The following JAK1 variants were observed in gnomAD, a reference collection of about 807,000 sequenced individuals.
JAK1 encodes the protein Janus kinase 1.
JAK1 carries 16 observed loss-of-function variants against 136.6 expected under a neutral mutation model. The ratio of observed to expected loss-of-function variants is 0.12; its 90% confidence interval spans 0.08 to 0.18. The LOEUF (loss-of-function observed/expected upper bound fraction) is 0.18, where lower values mean the gene tolerates loss of function less well. Among genes scored for constraint, JAK1 ranks in the 10% least tolerant of loss-of-function variants. The pLI is 1.00. For synonymous variants in JAK1, 492 were observed against 519.5 expected (o/e 0.95, Z 0.72); for missense variants, 859 against 1,450.1 (o/e 0.59, Z 6.62).
chr1:65,016,950 A>G (rs1439461230), intron 2 of JAK1, among the ~76,000 whole-genome samples: 3 of 152,186 alleles, frequency 2.0e-5, no homozygotes, highest in Non-Finnish European at 4.4e-5. Flanking sequence ...TACTGTATAC[A>G]TTTTATCAGA....
intron 2 of JAK1, among the ~76,000 whole-genome samples, chr1:65,001,648 T>C (rs2100749766): frequency 7.2e-6 from 1 of 138,680 alleles, no homozygotes; most frequent in Middle Eastern, 3.8e-3. Flanking sequence ...GTGTGTTGTA[T>C]GTGTGTTTGA....
intron 6 of JAK1, 92 bp from the exon 7 acceptor site, chr1:64,867,300 T>C (rs1391016254): frequency 3.3e-6 from 3 of 904,376 alleles, no homozygotes; most frequent in Non-Finnish European, 5.0e-6. Context: ...ATCCACATGT[T>C]GCCAAATGGG....
At chr1:64,861,546 G>T (rs1223008716) in intron 8 of JAK1, among the ~76,000 whole-genome samples, 1 of 152,118 alleles carries the variant, frequency 6.6e-6, no homozygotes, top group Non-Finnish European at 1.5e-5. Flanking sequence ...CCATGATTTG[G>T]AGCTTTGACT....
At chr1:64,876,702 T>C (rs779442261) in intron 4 of JAK1, among the ~76,000 whole-genome samples, 23 of 152,014 alleles carry the variant, frequency 1.5e-4, no homozygotes, top group Non-Finnish European at 3.2e-4. Context: ...AAATTCCAGA[T>C]ACTATAGCAT....
At chr1:64,922,606 G>A (rs1645514256) in intron 1 of JAK1, among the ~76,000 whole-genome samples, 1 of 152,072 alleles carries the variant, frequency 6.6e-6, no homozygotes, top group Admixed American at 6.6e-5. Flanking sequence ...GCTTTAAGGT[G>A]CTAAATTACT....
intron 15 of JAK1, among the ~76,000 whole-genome samples, chr1:64,845,220 C>T (rs1408502495): frequency 6.6e-6 from 1 of 152,218 alleles, no homozygotes; most frequent in Non-Finnish European, 1.5e-5. Flanking sequence ...CTCATTCACT[C>T]AACACGTACT....
intron 13 of JAK1, 42 bp from the exon 14 acceptor site, chr1:64,846,778 CA>C: frequency 1.3e-6 from 2 of 1,512,574 alleles, no homozygotes; most frequent in Admixed American, 3.4e-5. Flanking sequence ...GGCCAGCCTC[CA>C]GGGGGCTGCT....
At chr1:64,974,617 A>C (rs570573622) in intron 2 of JAK1, 3 of 152,364 alleles carry the variant, frequency 2.0e-5, no homozygotes, top group African/African-American at 7.2e-5. Flanking sequence ...AGGATTAGCC[A>C]GGCAAGAGAT....
At position 64,838,941 on chromosome 1, in the gene JAK1, C is replaced by G. The variant is rs972624511; in HGVS notation, c.2843-352G>C. Among the ~76,000 whole-genome samples the G allele has an allele frequency of 1.3e-4, 19 of 151,580 alleles. 1 individual carries two copies. The highest frequency in any genetic ancestry group is 6.3e-4 in the South Asian group (3 of 4,794). Reference sequence around the variant, plus strand: ...CGGGCGGATCACGAGGTCAGGAGATCGAGACCATCCTGGCTAACACGGTGA... The same window carrying G: ...CGGGCGGATCACGAGGTCAGGAGATGGAGACCATCCTGGCTAACACGGTGA... On this transcript the variant is annotated intron_variant, in intron 20 of 24. Transcript: ENST00000342505.
chr1:64,925,003 T>C (rs761623848), intron 1 of JAK1, among the ~76,000 whole-genome samples: 10 of 152,148 alleles, frequency 6.6e-5, no homozygotes, highest in Non-Finnish European at 1.2e-4. Flanking sequence ...GTGATAATGA[T>C]GTCAGTGTAG....
At chr1:64,980,588 A>G (rs185871043) in intron 2 of JAK1, among the ~76,000 whole-genome samples, 2 of 150,028 alleles carry the variant, frequency 1.3e-5, no homozygotes, top group East Asian at 3.9e-4. Flanking sequence ...TTATATATAT[A>G]TATACTTTAA....
At chr1:64,921,654 A>T (rs75947201) in intron 1 of JAK1, among the ~76,000 whole-genome samples, 1 of 152,078 alleles carries the variant, frequency 6.6e-6, no homozygotes, top group Admixed American at 6.6e-5. Context: ...CTTCTCACCA[A>T]ACTGATGTGT....
chr1:64,844,379 G>A lies in JAK1; in HGVS notation c.2252-164C>T, dbSNP rs985317358. Among the ~76,000 whole-genome samples the A allele has an allele frequency of 2.0e-5, 3 of 152,224 alleles. No homozygotes were observed. The highest frequency in any genetic ancestry group is 2.0e-4 in the Admixed American group (3 of 15,288). On this transcript the variant is annotated intron_variant, in intron 16 of 24. Transcript: ENST00000342505. This position sits in a 1 kb window ranked among gnomAD's most constrained non-coding sequence, Gnocchi z 5.7. ...GGCCCTGTGCGGGGGGCCTGCAGGC[G>A]TGCAGCCCTCCAAGCCACCACCAGC...
At chr1:65,013,095 C>CA (rs34009555) in intron 2 of JAK1, among the ~76,000 whole-genome samples, 5,536 of 44,788 alleles carry the variant, frequency 0.12, 441 homozygotes, top group East Asian at 0.37. Flanking sequence ...CACTCCGTCT[C>CA]AAAAAAAAAA....
intron 2 of JAK1, among the ~76,000 whole-genome samples, 178 bp downstream of exon 2, chr1:64,886,081 C>CTT (rs1644848225): frequency 6.6e-6 from 1 of 152,054 alleles, no homozygotes; most frequent in Non-Finnish European, 1.5e-5. Flanking sequence ...ACCTCCTATA[C>CTT]TTTTGTATTT....
intron 2 of JAK1, among the ~76,000 whole-genome samples, chr1:65,008,941 C>T (rs1489898878): frequency 1.3e-5 from 2 of 152,116 alleles, no homozygotes; most frequent in African/African-American, 4.8e-5. Context: ...CTGTCTTGGC[C>T]TCTAGAAGTG....
chr1:64,843,788 C>T (rs1245356223), intron 17 of JAK1, among the ~76,000 whole-genome samples: 1 of 152,132 alleles, frequency 6.6e-6, no homozygotes, highest in African/African-American at 2.4e-5. Context: ...TAACATCTAT[C>T]GAGCTTGTAC....
At position 64,834,213 on chromosome 1, in the gene JAK1, ACTC is replaced by A. The variant is rs1654323823; in HGVS notation, c.*346_*348del. The A allele has an allele frequency of 7.9e-6, 2 of 254,110 alleles. No homozygotes were observed. The highest frequency in any genetic ancestry group is 1.1e-4 in the East Asian group (2 of 18,084). 15.7% of individuals were successfully genotyped at this position (254,110 alleles called of 1,614,324 possible). A position where few individuals can be genotyped will look rare whatever the true frequency, so the allele number is the denominator to read the frequency against. ...TCATCTTCAGATATTATTTTGGTCA[ACTC>A]CTCGTTTTCAAAAATCCCCTTTTGG... is the stretch of plus-strand genomic sequence containing the variant. On this transcript the variant is annotated 3_prime_UTR_variant, in exon 25 of 25. Coordinates refer to ENST00000342505, the MANE Select transcript of JAK1 (RefSeq NM_002227.4).
At chr1:65,019,893 G>A (rs1190345782) in intron 2 of JAK1, among the ~76,000 whole-genome samples, 1 of 150,834 alleles carries the variant, frequency 6.6e-6, no homozygotes, top group Admixed American at 6.6e-5. Flanking sequence ...TCCAGCCTGG[G>A]TGACAGAGCG....
Sources: gnomAD v4.1 joint callset for allele counts (sites outside exome capture counted in the v4.1 genomes callset) on GRCh38, gnomAD v4.1.1 for gene constraint, Gnocchi (gnomAD v3.1) non-coding constraint, MANE v1.5 for transcripts, NCBI Gene and HGNC (gene_info 2026-07-23, HGNC 2026-07-21) for gene names.